Variants in ANKRD33B observed in about 807,000 individuals in gnomAD.
ANKRD33B encodes ankyrin repeat domain-containing protein 33B.
A neutral mutation model predicts 21.5 loss-of-function variants in ANKRD33B; 6 were observed. That is an observed-to-expected ratio of 0.28 (90% CI 0.15 to 0.55). ANKRD33B has a LOEUF of 0.55. Among genes scored for constraint, ANKRD33B ranks in the 20% least tolerant of loss-of-function variants. ANKRD33B has a pLI of 0.94. For missense variants in ANKRD33B, 698 were observed against 747.2 expected (o/e 0.93, Z 0.77); for synonymous variants, 347 against 342.4 (o/e 1.01, Z -0.15).
chr5:10,643,911 C>T (rs11133619), intron 3 of ANKRD33B, among the ~76,000 whole-genome samples: 63,495 of 149,518 alleles, frequency 0.42, 13,628 homozygotes, highest in Middle Eastern at 0.57. Flanking sequence ...GTAGAACTTA[C>T]GGAATATTTT....
In ANKRD33B at chr5:10,585,134, A is replaced by G. The variant is rs576356539; in HGVS notation, c.366+20301A>G. ...CTTGGGTAAGGAGAGCTGGAGGGGAAGGAAGAAGACCCAACTCCAGTGGTA... is the reference window on the plus strand; with the variant it reads ...CTTGGGTAAGGAGAGCTGGAGGGGAGGGAAGAAGACCCAACTCCAGTGGTA... On this transcript the variant is annotated intron_variant, in intron 1 of 3. Transcript: ENST00000296657. 6.6e-5 allele frequency among the ~76,000 whole-genome samples: 10 copies of G among 152,324 alleles called. No individual in the cohort carries two copies. In the East Asian group the frequency reaches 1.7e-3, roughly 26 times the overall value.
At chr5:10,624,709 C>A (rs887892021) in intron 2 of ANKRD33B, 2 of 452,836 alleles carry the variant, frequency 4.4e-6, no homozygotes, top group African/African-American at 2.0e-5. Flanking sequence ...TCCCTAATTT[C>A]TTTCTGAACC....
chr5:10,633,906 G>T (rs1175837096), intron 2 of ANKRD33B, among the ~76,000 whole-genome samples: 1 of 152,104 alleles, frequency 6.6e-6, no homozygotes, highest in Non-Finnish European at 1.5e-5. Flanking sequence ...CCACTGTGAG[G>T]TTCTCTCCCT....
At chr5:10,609,129 A>T (rs1316112501) in intron 1 of ANKRD33B, among the ~76,000 whole-genome samples, 1 of 152,272 alleles carries the variant, frequency 6.6e-6, no homozygotes, top group African/African-American at 2.4e-5. Flanking sequence ...CATCCAAAAA[A>T]GGTAAAATAG....
At chr5:10,570,750 G>C (rs1382788025) in intron 1 of ANKRD33B, among the ~76,000 whole-genome samples, 1 of 151,806 alleles carries the variant, frequency 6.6e-6, no homozygotes, top group African/African-American at 2.4e-5. Flanking sequence ...GTAGAGACAG[G>C]ATCTTGCTAT....
chr5:10,624,708 T>A (rs539316164), intron 2 of ANKRD33B: 1 of 453,216 alleles, frequency 2.2e-6, no homozygotes, highest in South Asian at 1.6e-5. Context: ...TTCCCTAATT[T>A]CTTTCTGAAC....
chr5:10,569,404 C>G (rs1390100884), intron 1 of ANKRD33B, among the ~76,000 whole-genome samples: 1 of 151,992 alleles, frequency 6.6e-6, no homozygotes, highest in Non-Finnish European at 1.5e-5. Context: ...TGAGAACAGC[C>G]TGGGCAACAT....
At position 10,628,440 on chromosome 5, in the gene ANKRD33B, C is replaced by T. The variant is rs530202516; in HGVS notation, c.497-9588C>T. Among the ~76,000 whole-genome samples the T allele has an allele frequency of 4.6e-5, 7 of 152,254 alleles. No homozygotes were observed. In the South Asian group the frequency reaches 1.5e-3, roughly 32 times the overall value. On this transcript the variant is annotated intron_variant, in intron 2 of 3. Coordinates refer to ENST00000296657, the MANE Select transcript of ANKRD33B (RefSeq NM_001164440.2). ...CAGGTCATCCACCCACTTCGGCCTCCCAAAGTGCTGGGATTACAGGCGTGA... is the reference window on the plus strand; with the variant it reads ...CAGGTCATCCACCCACTTCGGCCTCTCAAAGTGCTGGGATTACAGGCGTGA...
In ANKRD33B at chr5:10,637,855, C is replaced by T. The variant is rs73040958; in HGVS notation, c.497-173C>T. 8.0e-3 allele frequency among the ~76,000 whole-genome samples: 1,221 copies of T among 152,210 alleles called. 17 individuals are homozygous for T. The highest frequency in any genetic ancestry group is 0.028 in the African/African-American group (1,161 of 41,510). On this transcript the variant is annotated intron_variant, in intron 2 of 3. Transcript: ENST00000296657. Reference sequence around the variant, plus strand: ...CCAGGGCGGTGCCTTCTCCTTTCCTCTGTTTCCTGGGCTCCAGGAGAATTC... The same window carrying T: ...CCAGGGCGGTGCCTTCTCCTTTCCTTTGTTTCCTGGGCTCCAGGAGAATTC...
chr5:10,571,258 G>C (rs755341009), intron 1 of ANKRD33B, among the ~76,000 whole-genome samples: 1 of 152,170 alleles, frequency 6.6e-6, no homozygotes, highest in Admixed American at 6.5e-5. Context: ...CTGGAGTGCA[G>C]TGGTGCGATC....
chr5:10,581,719 C>T (rs1456761750), intron 1 of ANKRD33B, among the ~76,000 whole-genome samples: 1 of 152,138 alleles, frequency 6.6e-6, no homozygotes, highest in Non-Finnish European at 1.5e-5. Flanking sequence ...GGAGATTACC[C>T]TCTATAATTT....
At chr5:10,577,450 A>G (rs935364708) in intron 1 of ANKRD33B, among the ~76,000 whole-genome samples, 2 of 152,094 alleles carry the variant, frequency 1.3e-5, no homozygotes, top group Admixed American at 1.3e-4. Context: ...AGCACCAGTT[A>G]CTGCAAAGAC....
chr5:10,570,041 T>A (rs1735143546), intron 1 of ANKRD33B, among the ~76,000 whole-genome samples: 1 of 152,256 alleles, frequency 6.6e-6, no homozygotes, highest in African/African-American at 2.4e-5. Context: ...CATGCCCGAC[T>A]AATTTTTATG....
At chr5:10,610,957 T>C (rs1213884882) in intron 1 of ANKRD33B, among the ~76,000 whole-genome samples, 1 of 152,120 alleles carries the variant, frequency 6.6e-6, no homozygotes, top group Non-Finnish European at 1.5e-5. Context: ...GGCAGGAGAA[T>C]TGCTTGAACC....
chr5:10,618,830 ATAGT>A (rs1248479249), intron 2 of ANKRD33B, among the ~76,000 whole-genome samples: 2 of 152,160 alleles, frequency 1.3e-5, no homozygotes, highest in African/African-American at 4.8e-5. Context: ...TGTCTCAGTG[ATAGT>A]TAATCATGAA....
At chr5:10,645,844 C>A (rs1218107333) in intron 3 of ANKRD33B, among the ~76,000 whole-genome samples, 1 of 152,224 alleles carries the variant, frequency 6.6e-6, no homozygotes, top group African/African-American at 2.4e-5. Context: ...AACAGGATTG[C>A]AGCCGTTAGA....
intron 1 of ANKRD33B, among the ~76,000 whole-genome samples, chr5:10,616,786 C>A (rs58592863): frequency 6.6e-6 from 1 of 152,160 alleles, no homozygotes; most frequent in South Asian, 2.1e-4. Flanking sequence ...ACGCTGTTTT[C>A]CTTTGTTACG....
At position 10,650,164 on chromosome 5, in the gene ANKRD33B, C is replaced by T; in HGVS notation, c.*51C>T. The T allele has an allele frequency of 1.4e-6, 2 of 1,403,082 alleles. No homozygotes were observed. The highest frequency in any genetic ancestry group is 3.0e-5 in the South Asian group (2 of 65,750). The allele number at this position is 1,403,082 out of a possible 1,614,324, so 86.9% of individuals were successfully genotyped here. On this transcript the variant is annotated 3_prime_UTR_variant, in exon 4 of 4. Transcript: ENST00000296657. ...CGGGGCTGGGGCCGGGGCGGGGCCG[C>T]AGGGCTGGGCGCGGAGAAGGAGGCG... is the stretch of plus-strand genomic sequence containing the variant.
Position 10,625,025 on chromosome 5 carries a change from G to A in ANKRD33B, c.496+6563G>A, listed in dbSNP as rs1213639414. The A allele has an allele frequency of 1.2e-5, 4 of 335,100 alleles. No individual in the cohort carries two copies. In the East Asian group the frequency reaches 2.4e-4, roughly 20 times the overall value. The allele number at this position is 335,100 out of a possible 1,614,324, so 20.8% of individuals were successfully genotyped here. A position where few individuals can be genotyped will look rare whatever the true frequency, so the allele number is the denominator to read the frequency against. On this transcript the variant is annotated intron_variant, in intron 2 of 3. Transcript: ENST00000296657. ...GACGGCAAAGGACCCCTCTCAGTGG[G>A]CACTGAAGACCAGCAGAGTCACAGA...
Sources: allele counts gnomAD v4.1 joint callset (sites outside exome capture counted in the v4.1 genomes callset), GRCh38; gene constraint gnomAD v4.1.1; transcripts MANE v1.5; gene names NCBI Gene and HGNC (gene_info 2026-07-23, HGNC 2026-07-21).